AHCYL2: variants seen among roughly 807,000 people sequenced by gnomAD.
AHCYL2 encodes the protein adenosylhomocysteinase like 2, also known as S-adenosylhomocysteine hydrolase-like protein 2.
AHCYL2 carries 28 observed loss-of-function variants against 81.4 expected under a neutral mutation model. The ratio of observed to expected loss-of-function variants is 0.34; its 90% confidence interval spans 0.25 to 0.47. The LOEUF is 0.47. Ranked by LOEUF, AHCYL2 falls within the 20% of genes least tolerant of loss-of-function variation. The pLI is 1.00. For synonymous variants in AHCYL2, 272 were observed against 290.2 expected (o/e 0.94, Z 0.64); for missense variants, 551 against 785.1 (o/e 0.70, Z 3.56).
At chr7:129,387,719 A>G (rs1795264718) in intron 2 of AHCYL2, among the ~76,000 whole-genome samples, 1 of 152,200 alleles carries the variant, frequency 6.6e-6, no homozygotes, top group African/African-American at 2.4e-5. Context: ...TTCTGTTGCC[A>G]AAAGTACTTT....
chr7:129,263,063 G>A (rs1029047289), intron 1 of AHCYL2, among the ~76,000 whole-genome samples: 2 of 152,204 alleles, frequency 1.3e-5, no homozygotes, highest in African/African-American at 4.8e-5. Flanking sequence ...AGCTGGGGAT[G>A]TGATCAAAAC....
intron 1 of AHCYL2, among the ~76,000 whole-genome samples, chr7:129,349,831 G>C (rs1302362150): frequency 1.3e-5 from 2 of 152,004 alleles, no homozygotes; most frequent in Admixed American, 6.6e-5. Context: ...TCTCTGCTTT[G>C]TTTTGGGAAA....
intron 1 of AHCYL2, among the ~76,000 whole-genome samples, chr7:129,344,392 G>A (rs1793289505): frequency 6.6e-6 from 1 of 152,166 alleles, no homozygotes. Context: ...GTACACCCAT[G>A]TAATGTGCTA....
At chr7:129,402,942 T>A (rs1178971522) in intron 6 of AHCYL2, among the ~76,000 whole-genome samples, 1 of 152,198 alleles carries the variant, frequency 6.6e-6, no homozygotes, top group Non-Finnish European at 1.5e-5. Flanking sequence ...TTTTCTTTTT[T>A]TTCTCAAGAG....
In AHCYL2 at chr7:129,364,391, A is replaced by C. The variant is rs530205656; in HGVS notation, c.364-15247A>C. 1.1e-4 allele frequency among the ~76,000 whole-genome samples: 16 copies of C among 152,154 alleles called. No individual in the cohort carries two copies. The East Asian group carries it at 3.1e-3, about 29-fold the overall frequency. ...CTCACTGCAACCTCTTCCAAGTTCA[A>C]GCAATTCTCCTGCCTCAGCCTCCTG... is the stretch of plus-strand genomic sequence containing the variant. On this transcript the variant is annotated intron_variant, in intron 1 of 16. Coordinates refer to ENST00000325006, the MANE Select transcript of AHCYL2 (RefSeq NM_015328.4).
intron 1 of AHCYL2, among the ~76,000 whole-genome samples, chr7:129,353,254 T>C (rs1584814280): frequency 6.6e-6 from 1 of 152,006 alleles, no homozygotes; most frequent in Admixed American, 6.6e-5. Flanking sequence ...GGCCATTCTT[T>C]ACATTCTTTA....
intron 12 of AHCYL2, among the ~76,000 whole-genome samples, chr7:129,421,496 A>G (rs193140552): frequency 9.3e-4 from 141 of 152,340 alleles, no homozygotes; most frequent in Admixed American, 2.8e-3. Flanking sequence ...TTTATTGGAT[A>G]GAGCCCTAAA....
chr7:129,294,614 C>T (rs1359026855), intron 1 of AHCYL2, among the ~76,000 whole-genome samples: 1 of 152,190 alleles, frequency 6.6e-6, no homozygotes, highest in African/African-American at 2.4e-5. Flanking sequence ...AAATATCTCT[C>T]TTTCTACTAC....
rs961142261 is a variant in AHCYL2 at position 129,321,749 on chromosome 7, T to G, written c.364-57889T>G. 4.8e-5 allele frequency among the ~76,000 whole-genome samples: 7 copies of G among 146,200 alleles called. 1 individual carries two copies. Among genetic ancestry groups the G allele is most frequent in the South Asian group, 2.2e-4 (1 of 4,636 alleles). On this transcript the variant is annotated intron_variant, in intron 1 of 16. Transcript: ENST00000325006. ...GAATTTGTATTCTTTCTTTGTTTTT[T>G]TTTTTTTTTTTTTTTGGTCTTGGTT...
chr7:129,243,620 C>T (rs1336825127), intron 1 of AHCYL2, among the ~76,000 whole-genome samples: 1 of 151,938 alleles, frequency 6.6e-6, no homozygotes, highest in Non-Finnish European at 1.5e-5. Flanking sequence ...CTTGCTCTGT[C>T]GCCCAGGCTG....
intron 1 of AHCYL2, among the ~76,000 whole-genome samples, chr7:129,280,497 C>A (rs1283108092): frequency 6.6e-6 from 1 of 152,028 alleles, no homozygotes; most frequent in African/African-American, 2.4e-5. Flanking sequence ...TGTTTTAGTT[C>A]TAGTAGCTTT....
Position 129,225,098 on chromosome 7 carries a change from G to A in AHCYL2, c.22G>A (p.Ala8Thr). ...GGTGATGTCGGTGCAGGTTGTGTCA[G>A]CCGCGGCTGCCGCCAAGGTGCCTGA... MSVQVVSAAAAAKVPEVE... is the reference protein window; with the variant it reads MSVQVVSTAAAAKVPEVE... Residue 8 changes from alanine to threonine, a missense_variant, in exon 1 of 17, where the codon GCC becomes ACC. Physicochemically the swap from Ala to Thr is moderately conservative, Grantham distance 58. Around this residue, in one of 2 missense-constraint regions of AHCYL2, gnomAD observed 235 missense variants for 242.1 expected, o/e 0.97. Coordinates refer to ENST00000325006, the MANE Select transcript of AHCYL2 (RefSeq NM_015328.4). The A allele has an allele frequency of 6.3e-7, 1 of 1,596,520 alleles. No homozygotes were observed. The highest frequency in any genetic ancestry group is 1.7e-5 in the Admixed American group (1 of 58,048).
intron 1 of AHCYL2, among the ~76,000 whole-genome samples, chr7:129,247,536 GTATTT>G (rs1325579410): frequency 2.0e-5 from 3 of 151,982 alleles, no homozygotes; most frequent in Non-Finnish European, 4.4e-5. Flanking sequence ...TCCTGATGAT[GTATTT>G]TAAAGAGCTA....
intron 1 of AHCYL2, among the ~76,000 whole-genome samples, chr7:129,367,056 T>C (rs1427488849): frequency 6.6e-6 from 1 of 152,204 alleles, no homozygotes; most frequent in Admixed American, 6.5e-5. Context: ...TTGATTGGCC[T>C]CTTCAAAGTA....
At chr7:129,287,580 G>A (rs1054167472) in intron 1 of AHCYL2, among the ~76,000 whole-genome samples, 2 of 152,154 alleles carry the variant, frequency 1.3e-5, no homozygotes, top group East Asian at 1.9e-4. Flanking sequence ...GGAAAGTTAA[G>A]GCAGCTCTCT....
At chr7:129,341,450 C>T (rs922186736) in intron 1 of AHCYL2, among the ~76,000 whole-genome samples, 1 of 152,136 alleles carries the variant, frequency 6.6e-6, no homozygotes, top group Non-Finnish European at 1.5e-5. Flanking sequence ...GGGAGGGAGG[C>T]TGAGAACTTC....
At chr7:129,414,420 CTTT>C (rs10653631) in intron 12 of AHCYL2, among the ~76,000 whole-genome samples, 2 of 125,436 alleles carry the variant, frequency 1.6e-5, no homozygotes, top group African/African-American at 3.0e-5. Flanking sequence ...AATGTTGTTT[CTTT>C]TTTTTTTTTT....
chr7:129,381,531 T>C (rs1794955996), intron 2 of AHCYL2, among the ~76,000 whole-genome samples: 1 of 152,204 alleles, frequency 6.6e-6, no homozygotes, highest in Non-Finnish European at 1.5e-5. Context: ...TGTTTAATGA[T>C]ACTAAGTTCA....
chr7:129,333,187 G>C lies in AHCYL2; in HGVS notation c.364-46451G>C, dbSNP rs143739337. 7.6e-3 allele frequency among the ~76,000 whole-genome samples: 1,146 copies of C among 151,664 alleles called. 15 individuals are homozygous for C. Among genetic ancestry groups the C allele is most frequent in the African/African-American group, 0.026 (1,070 of 41,312 alleles). On this transcript the variant is annotated intron_variant, in intron 1 of 16. Coordinates refer to ENST00000325006, the MANE Select transcript of AHCYL2 (RefSeq NM_015328.4). ...TACTGGCATTAAAAAGTAGTTCCAG[G>C]GGCCAGGCACGGTGGCTCACGCCTG...
Sources: gnomAD v4.1 joint callset for allele counts (sites outside exome capture counted in the v4.1 genomes callset) on GRCh38, gnomAD v4.1.1 for gene constraint, gnomAD v4.1.1 regional missense constraint, MANE v1.5 for transcripts, NCBI Gene and HGNC (gene_info 2026-07-23, HGNC 2026-07-21) for gene names.